The following DNAH17 variants were observed in gnomAD, a reference collection of about 807,000 sequenced individuals.
DNAH17 encodes dynein axonemal heavy chain 17, also known as axonemal beta dynein heavy chain 17.
Under a neutral mutation model 485.6 loss-of-function variants are expected in DNAH17, and 376 were observed. The observed-to-expected ratio is 0.77, with a 90% CI of 0.71 to 0.84. The LOEUF is 0.84. Among genes scored for constraint, DNAH17 ranks in the 40% least tolerant of loss-of-function variants. DNAH17 has a pLI of 0.00. For missense variants in DNAH17, 6,370 were observed against 5,839.3 expected (o/e 1.09, Z -2.96); for synonymous variants, 3,031 against 2,405.9 (o/e 1.26, Z -7.60).
rs1568026508 is a variant in DNAH17, at chr17:78,424,069, T to G, written c.13226A>C (p.Lys4409Thr). 2 of 1,614,034 alleles carry G rather than the reference T, an allele frequency of 1.2e-6. No individual in the cohort carries two copies. The highest frequency in any genetic ancestry group is 3.3e-5 in the Admixed American group (2 of 60,036). ...CTCCATGCGGTCCACAGGAATGGCC[T>G]TGATGAAGATGACAGGCATGGCCGG... ...LTPAMPVIFI[K>T]AIPVDRMETK... Residue 4409 changes from lysine to threonine, a missense_variant, in exon 81 of 81, where the codon AAG (lysine) becomes ACG (threonine). Physicochemically the swap from Lys to Thr is moderately conservative, Grantham distance 78. Coordinates refer to ENST00000389840, the MANE Select transcript of DNAH17 (RefSeq NM_173628.4).
intron 42 of DNAH17, among the ~76,000 whole-genome samples, chr17:78,491,932 C>T (rs1000632294): frequency 3.9e-5 from 6 of 152,212 alleles, no homozygotes; most frequent in Non-Finnish European, 5.9e-5. Context: ...CAGAAGTCTG[C>T]GGAGCACGCT....
chr17:78,459,688 C>T (rs946620353), intron 60 of DNAH17, 96 bp downstream of exon 60: 17 of 1,394,566 alleles, frequency 1.2e-5, no homozygotes, highest in Non-Finnish European at 1.7e-5. Flanking sequence ...GCCACAGGCC[C>T]CAAGAGCCTG....
At position 78,466,708 on chromosome 17, in the gene DNAH17, C is replaced by T. The variant is rs763592798; in HGVS notation, c.8887G>A (p.Asp2963Asn). Residue 2963 changes from aspartate (D) to asparagine (N), a missense_variant, in exon 56 of 81, where the codon GAT (aspartate) becomes AAT (asparagine). Transcript: ENST00000389840. Reference protein sequence around the residue: ...AIDWFHEWPEDALVSVSARFL... With the variant: ...AIDWFHEWPENALVSVSARFL... ...CGGGCGCTGACGGACACCAGCGCATCTTCCGGCCACTCGTGGAACCAGTCG... is the reference window on the plus strand; with the variant it reads ...CGGGCGCTGACGGACACCAGCGCATTTTCCGGCCACTCGTGGAACCAGTCG... 2.3e-5 allele frequency: 37 copies of T among 1,612,556 alleles called. No individual in the cohort carries two copies. In the South Asian group the frequency reaches 3.2e-4, roughly 14 times the overall value.
chr17:78,555,005 C>T (rs771785614), intron 14 of DNAH17, among the ~76,000 whole-genome samples: 50 of 152,194 alleles, frequency 3.3e-4, no homozygotes, highest in Non-Finnish European at 5.6e-4. Flanking sequence ...CCTCGGCCTC[C>T]CAAAGTGCTG....
At chr17:78,514,485 C>A (rs1447112577) in intron 26 of DNAH17, among the ~76,000 whole-genome samples, 7 of 110,616 alleles carry the variant, frequency 6.3e-5, no homozygotes, top group Non-Finnish European at 1.0e-4. Flanking sequence ...AACCTGGTGA[C>A]AGAACTAGAC....
chr17:78,423,869 C>G lies in DNAH17; in HGVS notation c.*37G>C, dbSNP rs1000797316. 2 of 1,609,258 alleles carry G rather than the reference C, an allele frequency of 1.2e-6. No individual in the cohort carries two copies. Among genetic ancestry groups the G allele is most frequent in the African/African-American group, 2.7e-5 (2 of 74,862 alleles). On this transcript the variant is annotated 3_prime_UTR_variant, in exon 81 of 81. Transcript: ENST00000389840. ...ACAGGTGAAGGGCTGAGTTGTGGTC[C>G]AGCCCCAGGGAGTGTGGGCTGTGAG...
At chr17:78,483,413 T>C (rs1220524190) in intron 48 of DNAH17, among the ~76,000 whole-genome samples, 2 of 152,180 alleles carry the variant, frequency 1.3e-5, no homozygotes, top group Non-Finnish European at 2.9e-5. Flanking sequence ...GCAGATCACC[T>C]GAGGTCAGGA....
Position 78,439,651 on chromosome 17 carries a change from G to A in DNAH17, c.11678-434C>T, listed in dbSNP as rs542829338. Among the ~76,000 whole-genome samples the A allele has an allele frequency of 5.1e-4, 72 of 142,550 alleles. 2 individuals carry two copies. Among genetic ancestry groups the A allele is most frequent in the African/African-American group, 1.8e-3 (68 of 38,564 alleles). The allele number at this position is 142,550 out of a possible 152,430, so 93.5% of individuals were successfully genotyped here. A position where few individuals can be genotyped will look rare whatever the true frequency, so the allele number is the denominator to read the frequency against. On this transcript the variant is annotated intron_variant, in intron 72 of 80. Transcript: ENST00000389840. ...TTGAGGTCCATCCACGTTGTAGCAT[G>A]TATCAGTACTTCACTTTTTTTTTTT...
chr17:78,502,040 A>G (rs866347388), intron 33 of DNAH17, 167 bp from the exon 34 acceptor site: 3 of 949,806 alleles, frequency 3.2e-6, no homozygotes, highest in Non-Finnish European at 4.6e-6. Flanking sequence ...TGGTTTCACC[A>G]GGGTGCGGCC....
At chr17:78,488,332 C>A (rs926895240) in intron 44 of DNAH17, among the ~76,000 whole-genome samples, 3 of 152,216 alleles carry the variant, frequency 2.0e-5, no homozygotes, top group Non-Finnish European at 4.4e-5. Flanking sequence ...GCTGCTCCTG[C>A]TGTCTGGGGA....
intron 25 of DNAH17, among the ~76,000 whole-genome samples, chr17:78,524,480 G>T (rs754283132): frequency 1.3e-5 from 2 of 152,066 alleles, no homozygotes; most frequent in Non-Finnish European, 2.9e-5. Context: ...CGATTTCTCA[G>T]CCCCGGCCTG....
At chr17:78,555,028 T>C (rs1407790726) in intron 14 of DNAH17, among the ~76,000 whole-genome samples, 1 of 152,232 alleles carries the variant, frequency 6.6e-6, no homozygotes, top group Admixed American at 6.5e-5. Context: ...ATTACAGGCA[T>C]GAGCCACTGC....
Position 78,501,798 on chromosome 17 carries a change from TG to T in DNAH17, c.5265del (p.Ile1756SerfsTer15), listed in dbSNP as rs1165320099. On this transcript the variant is annotated frameshift_variant, in exon 34 of 81. Transcript: ENST00000389840. LOFTEE classifies it high-confidence loss of function. The part of the protein sequence containing the change: ...LNAGDRMKIM[T>X]ICTIDVHARD... ...CGTGCGTGCACATCGATGGTGCAGA[TG>T]GTCATGATCTTCATCCTGTCGCCAG... 1 of 1,613,974 alleles carries T rather than the reference TG, an allele frequency of 6.2e-7. No homozygotes were observed. Among genetic ancestry groups the T allele is most frequent in the Non-Finnish European group, 8.5e-7 (1 of 1,179,888 alleles).
chr17:78,531,335 GTCT>G (rs2091231999), intron 20 of DNAH17, among the ~76,000 whole-genome samples: 1 of 141,578 alleles, frequency 7.1e-6, no homozygotes, highest in African/African-American at 2.7e-5. Context: ...CATAAAGTCT[GTCT>G]TTTTTTTTTT....
At chr17:78,429,644 G>T (rs934437009) in intron 75 of DNAH17, among the ~76,000 whole-genome samples, 1 of 152,182 alleles carries the variant, frequency 6.6e-6, no homozygotes, top group Non-Finnish European at 1.5e-5. Flanking sequence ...TGCCTCAGAG[G>T]CCACAGGGCT....
Position 78,571,845 on chromosome 17 carries a change from C to G in DNAH17, c.540-63G>C, listed in dbSNP as rs1199404914. ...ACACACACGTGGGTCCCACCAAGCT[C>G]TCCCATGAATCCTTCTGCCCACCAA... On this transcript the variant is annotated intron_variant, in intron 3 of 80. Coordinates refer to ENST00000389840, the MANE Select transcript of DNAH17 (RefSeq NM_173628.4). 3 of 1,467,890 alleles carry G rather than the reference C, an allele frequency of 2.0e-6. No homozygotes were observed. The African/African-American group carries it at 4.2e-5, about 21-fold the overall frequency. The allele number at this position is 1,467,890 out of a possible 1,614,324, so 90.9% of individuals were successfully genotyped here.
At chr17:78,456,904 A>G (rs1322725886) in intron 62 of DNAH17, among the ~76,000 whole-genome samples, 1 of 152,176 alleles carries the variant, frequency 6.6e-6, no homozygotes, top group Non-Finnish European at 1.5e-5. Context: ...AGGAGAAAAC[A>G]CAGCTTGCAG....
At chr17:78,491,263 G>A (rs779546911) in intron 43 of DNAH17, among the ~76,000 whole-genome samples, 180 bp downstream of exon 43, 15 of 152,212 alleles carry the variant, frequency 9.9e-5, no homozygotes, top group African/African-American at 1.4e-4. Flanking sequence ...AAACCACAAC[G>A]CATGTGACAA....
intron 51 of DNAH17, 93 bp from the exon 52 acceptor site, chr17:78,476,826 C>T: frequency 1.4e-6 from 2 of 1,447,252 alleles, no homozygotes; most frequent in South Asian, 1.4e-5. Flanking sequence ...GCCCCCTCCC[C>T]CGGGGCGAGG....
Sources: allele counts gnomAD v4.1 joint callset (sites outside exome capture counted in the v4.1 genomes callset), GRCh38; gene constraint gnomAD v4.1.1; transcripts MANE v1.5; gene names NCBI Gene and HGNC (gene_info 2026-07-23, HGNC 2026-07-21).